CCDC141: variants seen among roughly 807,000 people sequenced by gnomAD.
CCDC141 encodes the protein coiled-coil domain containing 141, also known as coiled-coil domain-containing protein 141.
In CCDC141, 168 loss-of-function variants were observed where a neutral mutation model predicts 181.0. The ratio of observed to expected loss-of-function variants is 0.93; its 90% CI spans 0.82 to 1.05. The LOEUF (loss-of-function observed/expected upper bound fraction) is 1.05. Among genes scored for constraint, CCDC141 ranks in the 50% least tolerant of loss-of-function variants. CCDC141 has a pLI of 0.00. For missense variants in CCDC141, 1,902 were observed against 1,788.5 expected (o/e 1.06, Z -1.14); for synonymous variants, 666 against 642.3 (o/e 1.04, Z -0.56).
chr2:179,015,482 T>TAG (rs1392577895), intron 2 of CCDC141, among the ~76,000 whole-genome samples: 1 of 100,016 alleles, frequency 1.0e-5, no homozygotes. Context: ...ATGTGCCATA[T>TAG]ATATCATATA....
At chr2:179,045,717 G>A (rs1033599421) in intron 2 of CCDC141, among the ~76,000 whole-genome samples, 2 of 152,104 alleles carry the variant, frequency 1.3e-5, no homozygotes, top group African/African-American at 4.8e-5. Flanking sequence ...ACTGGTGTGA[G>A]ATGGTATCTC....
chr2:178,884,838 A>G (rs1558953743), intron 11 of CCDC141, 63 bp downstream of exon 11: 1 of 1,366,266 alleles, frequency 7.3e-7, no homozygotes, highest in Non-Finnish European at 1.0e-6. Context: ...ATATATCCCC[A>G]CAGAAAGCAA....
intron 6 of CCDC141, among the ~76,000 whole-genome samples, chr2:178,943,017 C>A (rs1254697283): frequency 6.6e-6 from 1 of 152,068 alleles, no homozygotes; most frequent in Non-Finnish European, 1.5e-5. Context: ...GTCTTCAGGG[C>A]TAGAGGAAAC....
At chr2:178,905,619 A>G in intron 7 of CCDC141, 118 bp from the exon 8 acceptor site, 1 of 929,544 alleles carries the variant, frequency 1.1e-6, no homozygotes, top group Non-Finnish European at 1.5e-6. Context: ...CATTATAACA[A>G]AAAACAACCA....
intron 2 of CCDC141, among the ~76,000 whole-genome samples, chr2:179,018,163 G>C (rs952593416): frequency 6.6e-6 from 1 of 152,028 alleles, no homozygotes; most frequent in Non-Finnish European, 1.5e-5. Context: ...TTTTATAGAC[G>C]TTGCACCACC....
At chr2:178,884,760 A>T (rs542741382) in intron 11 of CCDC141, 141 bp downstream of exon 11, 9 of 514,240 alleles carry the variant, frequency 1.8e-5, no homozygotes, top group East Asian at 1.7e-4. Flanking sequence ...GGTTTACAAG[A>T]ATACAGGGCC....
At chr2:179,032,365 G>A (rs998862820) in intron 2 of CCDC141, among the ~76,000 whole-genome samples, 2 of 152,174 alleles carry the variant, frequency 1.3e-5, no homozygotes, top group African/African-American at 4.8e-5. Flanking sequence ...GGGGATGGGG[G>A]TGGTGGTGGC....
chr2:178,949,104 C>T (rs776171853), intron 5 of CCDC141, among the ~76,000 whole-genome samples: 14 of 152,090 alleles, frequency 9.2e-5, no homozygotes, highest in East Asian at 1.9e-4. Flanking sequence ...AAGATGCATG[C>T]GGAAAGTTGA....
chr2:178,819,648 A>G, the CCDC141 span, among the ~76,000 whole-genome samples: 10 of 152,112 alleles, frequency 6.6e-5, no homozygotes, highest in Non-Finnish European at 1.2e-4. Context: ...CATGGTTGTT[A>G]CATCTGAGGG....
intron 1 of CCDC141, 80 bp from the exon 2 acceptor site, chr2:179,047,486 G>A (rs12465626): frequency 8.1e-4 from 994 of 1,226,720 alleles, no homozygotes; most frequent in Non-Finnish European, 9.8e-4. Flanking sequence ...TTAATATATC[G>A]TTTAAATTTC....
intron 6 of CCDC141, among the ~76,000 whole-genome samples, chr2:178,930,959 C>T (rs749331205): frequency 1.4e-4 from 22 of 152,020 alleles, no homozygotes; most frequent in Non-Finnish European, 2.9e-5. Context: ...ATAAATAAAA[C>T]TTTATCAAAA....
chr2:178,990,734 T>C (rs776691564), intron 2 of CCDC141, among the ~76,000 whole-genome samples: 1 of 151,860 alleles, frequency 6.6e-6, no homozygotes, highest in Non-Finnish European at 1.5e-5. Context: ...TCCACTTACA[T>C]GAAATATGTA....
At chr2:178,934,581 C>G (rs987044146) in intron 6 of CCDC141, among the ~76,000 whole-genome samples, 2 of 152,100 alleles carry the variant, frequency 1.3e-5, no homozygotes, top group Non-Finnish European at 1.5e-5. Context: ...ATTTAAAAAT[C>G]CTTTAGTTCA....
At chr2:178,881,331 T>A (rs1686597189) in intron 11 of CCDC141, among the ~76,000 whole-genome samples, 1 of 151,832 alleles carries the variant, frequency 6.6e-6, no homozygotes, top group South Asian at 2.1e-4. Flanking sequence ...AAAACTGGAG[T>A]GCTATGGTGG....
intron 2 of CCDC141, among the ~76,000 whole-genome samples, chr2:178,981,878 A>G (rs910124056): frequency 6.6e-6 from 1 of 151,430 alleles, no homozygotes; most frequent in African/African-American, 2.4e-5. Flanking sequence ...GATCAATAAA[A>G]TTGATAAATC....
intron 2 of CCDC141, among the ~76,000 whole-genome samples, chr2:179,045,428 T>C (rs568987271): frequency 1.6e-4 from 24 of 152,004 alleles, no homozygotes; most frequent in African/African-American, 4.3e-4. Context: ...GACATTTGGG[T>C]TGGCTCCAAG....
At chr2:179,028,025 A>G (rs1020012352) in intron 2 of CCDC141, among the ~76,000 whole-genome samples, 7 of 152,144 alleles carry the variant, frequency 4.6e-5, no homozygotes, top group Non-Finnish European at 4.4e-5. Context: ...GGTTTCCTGA[A>G]CTGCCTAGAA....
At chr2:179,019,558 C>T (rs750629281) in intron 2 of CCDC141, among the ~76,000 whole-genome samples, 34 of 151,956 alleles carry the variant, frequency 2.2e-4, no homozygotes, top group Non-Finnish European at 4.7e-4. Flanking sequence ...ACTCATAAAC[C>T]GCTTTTATTT....
intron 2 of CCDC141, among the ~76,000 whole-genome samples, chr2:178,993,562 T>C (rs1398682603): frequency 6.6e-6 from 1 of 152,154 alleles, no homozygotes; most frequent in Non-Finnish European, 1.5e-5. Flanking sequence ...GAGATTTGGG[T>C]GGGGACACAT....
Sources: gnomAD v4.1 joint callset for allele counts (sites outside exome capture counted in the v4.1 genomes callset) on GRCh38, gnomAD v4.1.1 for gene constraint, MANE v1.5 for transcripts, NCBI Gene and HGNC (gene_info 2026-07-23, HGNC 2026-07-21) for gene names.